EPHB6: variants seen among roughly 807,000 people sequenced by gnomAD.
EPHB6 encodes ephrin type-B receptor 6.
EPHB6 carries 51 observed loss-of-function variants against 107.0 expected under a neutral mutation model. The ratio of observed to expected loss-of-function variants is 0.48; its 90% confidence interval spans 0.38 to 0.60. The LOEUF (loss-of-function observed/expected upper bound fraction) is 0.60. Among genes scored for constraint, EPHB6 ranks in the 20% least tolerant of loss-of-function variants. The probability of loss-of-function intolerance (pLI) is 0.00; values close to 1 mark genes in which losing one functional copy is unlikely to be tolerated. For missense variants in EPHB6, 1,141 were observed against 1,355.5 expected (o/e 0.84, Z 2.48); for synonymous variants, 553 against 549.0 (o/e 1.01, Z -0.10).
chr7:142,866,453 C>T lies in EPHB6; in HGVS notation c.1463-28C>T. Reference sequence around the variant, plus strand: ...ATCCTGCTCCCAGGGACTCCTATCCCCATAATAATTTTCCTTTTGCACTCT... The same window carrying T: ...ATCCTGCTCCCAGGGACTCCTATCCTCATAATAATTTTCCTTTTGCACTCT... On this transcript the variant is annotated intron_variant, in intron 9 of 19. Coordinates refer to ENST00000652003, the MANE Select transcript of EPHB6 (RefSeq NM_004445.6). The surrounding 1 kb of genome is among the most constrained non-coding windows in gnomAD (Gnocchi z 5.2). The T allele has an allele frequency of 6.2e-7, 1 of 1,613,900 alleles. No individual in the cohort carries two copies. The highest frequency in any genetic ancestry group is 1.7e-5 in the Admixed American group (1 of 60,030).
At position 142,868,247 on chromosome 7, in the gene EPHB6, G is replaced by A. The variant is rs2116465975; in HGVS notation, c.1925G>A (p.Gly642Glu). ...ATACTCCACACCCCTCCAGGACTCG[G>A]GGTGAAGTATTACATCGACCCCTCC... ...QLQQYSSPGL[G>E]VKYYIDPSTY... The change falls in exon 14 of 20, where the codon GGG becomes GAG. Residue 642 changes from glycine to glutamate, a missense_variant. Gly to Glu is a moderately conservative substitution (Grantham distance 98). Coordinates refer to ENST00000652003, the MANE Select transcript of EPHB6 (RefSeq NM_004445.6). The surrounding 1 kb of genome is among the most constrained non-coding windows in gnomAD (Gnocchi z 4.2). 6.2e-7 allele frequency: 1 copy of A among 1,614,142 alleles called. No homozygotes were observed. The highest frequency in any genetic ancestry group is 8.5e-7 in the Non-Finnish European group (1 of 1,180,016).
intron 1 of EPHB6, among the ~76,000 whole-genome samples, chr7:142,860,081 G>T (rs1212735877): frequency 1.3e-5 from 2 of 152,160 alleles, no homozygotes; most frequent in Non-Finnish European, 2.9e-5. Context: ...GATACTATCT[G>T]CAGCGCATCT....
chr7:142,870,507 C>G (rs376034256), intron 18 of EPHB6, 23 bp from the exon 19 acceptor site: 2 of 1,614,118 alleles, frequency 1.2e-6, no homozygotes, highest in Admixed American at 3.3e-5. Flanking sequence ...AGACCTTGAC[C>G]CTGCTTGCCC....
chr7:142,864,354 A>C lies in EPHB6; in HGVS notation c.554A>C (p.His185Pro). The change falls in exon 7 of 20, where the codon CAC becomes CCC. Residue 185 changes from histidine (H) to proline (P), a missense_variant. Coordinates refer to ENST00000652003, the MANE Select transcript of EPHB6 (RefSeq NM_004445.6). ...TCTGCAGCGTGGGCTGTGGGACCCC[A>C]CGGGGCTGGGCAGCGGGCTGGACTG... ...SSSAAWAVGP[H>P]GAGQRAGLQL... is the part of the protein sequence containing the mutation. The C allele has an allele frequency of 6.2e-7, 1 of 1,613,216 alleles. No individual in the cohort carries two copies. Among genetic ancestry groups the C allele is most frequent in the Non-Finnish European group, 8.5e-7 (1 of 1,179,982 alleles).
chr7:142,869,849 A>G lies in EPHB6; in HGVS notation c.2493A>G (p.Pro831=). 6.2e-7 allele frequency: 1 copy of G among 1,614,244 alleles called. No individual in the cohort carries two copies. Among genetic ancestry groups the G allele is most frequent in the South Asian group, 1.1e-5 (1 of 91,088 alleles). ...GPSCLLRWAA[P]EVIAHGKHTT... ...GTTGTTTGCTTCGCTGGGCAGCCCC[A>G]GAGGTCATTGCACATGGAAAGCATA... Residue 831 remains proline (P), a synonymous_variant, in exon 17 of 20, where the codon CCA becomes CCG. Transcript: ENST00000652003. This position sits in a 1 kb window ranked among gnomAD's most constrained non-coding sequence, Gnocchi z 4.5.
intron 1 of EPHB6, among the ~76,000 whole-genome samples, chr7:142,858,496 C>T (rs1305324118): frequency 7.3e-6 from 1 of 137,168 alleles, no homozygotes; most frequent in East Asian, 2.1e-4. Flanking sequence ...AGTGCAGTGG[C>T]ACGATCTCGG....
intron 1 of EPHB6, among the ~76,000 whole-genome samples, chr7:142,857,745 T>C (rs777765478): frequency 3.3e-5 from 5 of 152,240 alleles, no homozygotes; most frequent in Non-Finnish European, 7.3e-5. Context: ...TCCCCTGGGT[T>C]CCCCTCTGTC....
intron 17 of EPHB6, 53 bp downstream of exon 17, chr7:142,870,019 G>A (rs1794821278): frequency 1.2e-6 from 2 of 1,613,474 alleles, no homozygotes; most frequent in Admixed American, 1.7e-5. Flanking sequence ...CTCCCAGGTT[G>A]GAACATTCTA....
At chr7:142,860,548 G>A (rs887176343) in intron 1 of EPHB6, among the ~76,000 whole-genome samples, 3 of 152,128 alleles carry the variant, frequency 2.0e-5, no homozygotes, top group African/African-American at 4.8e-5. Context: ...TGATCTCCCC[G>A]TTCCTCTCCA....
Position 142,869,698 on chromosome 7 carries a change from T to C in EPHB6, c.2461-119T>C. 7 of 1,198,910 alleles carry C rather than the reference T, an allele frequency of 5.8e-6. No individual in the cohort carries two copies. The highest frequency in any genetic ancestry group is 8.4e-6 in the Non-Finnish European group (7 of 829,204). 74.3% of individuals were successfully genotyped at this position (1,198,910 alleles called of 1,614,324 possible). Reference sequence around the variant, plus strand: ...TATCATCCACCTTAGAGGGTTGTTATGAGGATTAAATGAGATGCTTGATGT... The same window carrying C: ...TATCATCCACCTTAGAGGGTTGTTACGAGGATTAAATGAGATGCTTGATGT... On this transcript the variant is annotated intron_variant, in intron 16 of 19. Transcript: ENST00000652003. This position sits in a 1 kb window ranked among gnomAD's most constrained non-coding sequence, Gnocchi z 4.5.
At chr7:142,856,046 C>T (rs780041654) in intron 1 of EPHB6, among the ~76,000 whole-genome samples, 1 of 152,236 alleles carries the variant, frequency 6.6e-6, no homozygotes, top group Non-Finnish European at 1.5e-5. Flanking sequence ...GGCACCCTCT[C>T]TCCTCCCATC....
intron 1 of EPHB6, among the ~76,000 whole-genome samples, chr7:142,859,952 T>A (rs912781174): frequency 6.6e-6 from 1 of 152,224 alleles, no homozygotes; most frequent in African/African-American, 2.4e-5. Context: ...TTACGAGGCA[T>A]GCTAAGGCTA....
In EPHB6 at chr7:142,869,389, A is replaced by C. The variant is rs1794791678; in HGVS notation, c.2460+242A>C. ...AGGAGACCTGCAACAATCTAGAACT[A>C]CCTCCTGCCCTTCCCCCATTGTGGA... is the stretch of plus-strand genomic sequence containing the variant. On this transcript the variant is annotated intron_variant, in intron 16 of 19. Transcript: ENST00000652003. The surrounding 1 kb of genome is among the most constrained non-coding windows in gnomAD (Gnocchi z 4.5). Among the ~76,000 whole-genome samples, 1 of 151,738 alleles carries C rather than the reference A, an allele frequency of 6.6e-6. No homozygotes were observed. Among genetic ancestry groups the C allele is most frequent in the East Asian group, 1.9e-4 (1 of 5,154 alleles).
At chr7:142,856,161 G>T (rs537388520) in intron 1 of EPHB6, among the ~76,000 whole-genome samples, 1 of 152,302 alleles carries the variant, frequency 6.6e-6, no homozygotes, top group South Asian at 2.1e-4. Flanking sequence ...CAGGCCCTCC[G>T]CCCGCCAGGG....
In EPHB6 at chr7:142,868,593, C is replaced by A. The variant is rs1250968282; in HGVS notation, c.2140C>A (p.Gln714Lys). ...GTGGGCCGGGGGCGCCGAAAGCCTG[C>A]AGATGACCTTCCTGGGCCGGGCCGC... ...ALWAGGAESL[Q>K]MTFLGRAAVL... The change falls in exon 15 of 20, where the codon CAG (glutamine) becomes AAG (lysine). Residue 714 changes from glutamine to lysine, a missense_variant. Gln to Lys is a moderately conservative substitution (Grantham distance 53). Coordinates refer to ENST00000652003, the MANE Select transcript of EPHB6 (RefSeq NM_004445.6). The surrounding 1 kb of genome is among the most constrained non-coding windows in gnomAD (Gnocchi z 4.2). The A allele has an allele frequency of 1.2e-6, 2 of 1,613,484 alleles. No homozygotes were observed. The highest frequency in any genetic ancestry group is 2.7e-5 in the African/African-American group (2 of 74,934).
Position 142,863,980 on chromosome 7 carries a change from T to C in EPHB6, c.180T>C (p.Ser60=). 2.5e-6 allele frequency: 4 copies of C among 1,613,994 alleles called. No homozygotes were observed. Among genetic ancestry groups the C allele is most frequent in the South Asian group, 1.1e-5 (1 of 91,080 alleles). Residue 60 remains serine (S), a synonymous_variant, in exon 7 of 20, where the codon AGT becomes AGC. Transcript: ENST00000652003. ...TYPPGGWDEV[S]VLDDQRRLTR... ...CCTTCCTGCAGTGGGACGAGGTGAG[T>C]GTTCTGGACGACCAGCGACGCCTGA...
chr7:142,868,915 T>C lies in EPHB6; in HGVS notation c.2287-59T>C, dbSNP rs1157026724. On this transcript the variant is annotated intron_variant, in intron 15 of 19. Transcript: ENST00000652003. This position sits in a 1 kb window ranked among gnomAD's most constrained non-coding sequence, Gnocchi z 4.2. ...TCATGCTGTTGTCTGCTATGCAGTA[T>C]GTTGAGGTCTCCCCCTGTCTCCGAT... The C allele has an allele frequency of 1.3e-6, 2 of 1,513,266 alleles. No individual in the cohort carries two copies. Among genetic ancestry groups the C allele is most frequent in the East Asian group, 4.9e-5 (2 of 40,476 alleles). 93.7% of individuals were successfully genotyped at this position (1,513,266 alleles called of 1,614,324 possible).
intron 18 of EPHB6, 59 bp from the exon 19 acceptor site, chr7:142,870,471 T>G: frequency 1.2e-6 from 2 of 1,613,906 alleles, no homozygotes; most frequent in Non-Finnish European, 8.5e-7. Flanking sequence ...TAAAGAAAAC[T>G]GAGGAGAGGG....
Position 142,869,194 on chromosome 7 carries a change from C to A in EPHB6, c.2460+47C>A, listed in dbSNP as rs762322202. ...CACAGCCTGGGGCCTTGTGGCATGC[C>A]CCAGCAGGTGCTGGGGTCGGGGGTG... On this transcript the variant is annotated intron_variant, in intron 16 of 19. Transcript: ENST00000652003. The surrounding 1 kb of genome is among the most constrained non-coding windows in gnomAD (Gnocchi z 4.5). 6.3e-7 allele frequency: 1 copy of A among 1,596,890 alleles called. No homozygotes were observed. Among genetic ancestry groups the A allele is most frequent in the Non-Finnish European group, 8.5e-7 (1 of 1,170,004 alleles).
Sources: gnomAD v4.1 joint callset for allele counts (sites outside exome capture counted in the v4.1 genomes callset) on GRCh38, gnomAD v4.1.1 for gene constraint, Gnocchi (gnomAD v3.1) non-coding constraint, MANE v1.5 for transcripts, NCBI Gene and HGNC (gene_info 2026-07-23, HGNC 2026-07-21) for gene names.